The following CATSPERT variants were observed in gnomAD, a reference collection of about 807,000 sequenced individuals.
CATSPERT encodes catsper channel auxiliary subunit tau, also known as cation channel sperm-associated targeting subunit tau.
At chr2:201,593,633 C>A in the CATSPERT span, among the ~76,000 whole-genome samples, 1 of 147,760 alleles carries the variant, frequency 6.8e-6, no homozygotes, top group African/African-American at 2.5e-5. Context: ...GTAGGTCACT[C>A]AGGACTTGCT....
chr2:201,586,126 T>C, the CATSPERT span, among the ~76,000 whole-genome samples: 1 of 152,232 alleles, frequency 6.6e-6, no homozygotes, highest in South Asian at 2.1e-4. Context: ...ACGTTTTCTT[T>C]TCTCTAGTTG....
At chr2:201,540,251 G>T in the CATSPERT span, among the ~76,000 whole-genome samples, 7 of 152,222 alleles carry the variant, frequency 4.6e-5, no homozygotes, top group African/African-American at 1.7e-4. Flanking sequence ...AAGCTGCAGC[G>T]AGTTACCCAG....
the CATSPERT span, chr2:201,604,660 T>C: frequency 3.1e-6 from 5 of 1,606,384 alleles, no homozygotes; most frequent in South Asian, 4.5e-5. Flanking sequence ...TATTTCCAGT[T>C]CTTCACTATC....
chr2:201,503,023 T>A, the CATSPERT span, among the ~76,000 whole-genome samples: 2 of 152,132 alleles, frequency 1.3e-5, no homozygotes, highest in South Asian at 4.1e-4. Flanking sequence ...ATTTCAGATA[T>A]TTTTTATCTC....
At chr2:201,581,595 C>CACAT in the CATSPERT span, among the ~76,000 whole-genome samples, 653 of 17,756 alleles carry the variant, frequency 0.037, 104 homozygotes, top group African/African-American at 0.04. Context: ...TATATATATA[C>CACAT]ACATACATAT....
At chr2:201,489,838 A>G in the CATSPERT span, among the ~76,000 whole-genome samples, 1 of 151,530 alleles carries the variant, frequency 6.6e-6, no homozygotes, top group Non-Finnish European at 1.5e-5. Context: ...TATAAAGTCT[A>G]GTCGCAGATT....
At chr2:201,518,651 G>A in the CATSPERT span, among the ~76,000 whole-genome samples, 1 of 152,180 alleles carries the variant, frequency 6.6e-6, no homozygotes, top group African/African-American at 2.4e-5. Context: ...TCTGTAGAAT[G>A]GATTCAGTAA....
chr2:201,520,254 A>T, the CATSPERT span, among the ~76,000 whole-genome samples: 1 of 152,232 alleles, frequency 6.6e-6, no homozygotes, highest in African/African-American at 2.4e-5. Context: ...TTAGCATTGG[A>T]GACATCCCTA....
At chr2:201,501,188 C>G in the CATSPERT span, among the ~76,000 whole-genome samples, 1 of 151,786 alleles carries the variant, frequency 6.6e-6, no homozygotes, top group Non-Finnish European at 1.5e-5. Context: ...CACCTGAGAT[C>G]GGGAGTTCGA....
At chr2:201,573,328 TTGA>T in the CATSPERT span, among the ~76,000 whole-genome samples, 12 of 152,330 alleles carry the variant, frequency 7.9e-5, no homozygotes, top group Admixed American at 3.3e-4. Context: ...TATTAGTCTC[TTGA>T]TGAATCAAGG....
At chr2:201,515,201 AGTTTTTTTTTTTTT>A in the CATSPERT span, among the ~76,000 whole-genome samples, 14 of 70,214 alleles carry the variant, frequency 2.0e-4, 4 homozygotes, top group East Asian at 9.5e-4. Flanking sequence ...ATCTGCCCAT[AGTTTTTTTTTTTTT>A]TTTTTTTTTT....
chr2:201,561,127 T>C, the CATSPERT span, among the ~76,000 whole-genome samples: 84 of 152,318 alleles, frequency 5.5e-4, no homozygotes, highest in African/African-American at 1.9e-3. Context: ...TGACCTACCG[T>C]AAGAAAATAC....
the CATSPERT span, among the ~76,000 whole-genome samples, chr2:201,532,586 G>A: frequency 6.6e-6 from 1 of 152,038 alleles, no homozygotes; most frequent in African/African-American, 2.4e-5. Flanking sequence ...CTATTATTCA[G>A]GTTAGAGAGT....
the CATSPERT span, among the ~76,000 whole-genome samples, chr2:201,566,575 T>G: frequency 1.3e-5 from 2 of 152,078 alleles, no homozygotes; most frequent in Non-Finnish European, 2.9e-5. Flanking sequence ...ATGGTGTATA[T>G]GTGCCACATT....
At chr2:201,578,524 A>G in the CATSPERT span, among the ~76,000 whole-genome samples, 1 of 152,130 alleles carries the variant, frequency 6.6e-6, no homozygotes, top group African/African-American at 2.4e-5. Context: ...TTTTAATTTC[A>G]GATATTTTAC....
the CATSPERT span, among the ~76,000 whole-genome samples, chr2:201,521,406 C>A: frequency 6.7e-6 from 1 of 149,480 alleles, no homozygotes; most frequent in Non-Finnish European, 1.5e-5. Context: ...ACCTTCTTCA[C>A]ATGGTGGCAG....
At chr2:201,517,066 G>A in the CATSPERT span, among the ~76,000 whole-genome samples, 1 of 151,854 alleles carries the variant, frequency 6.6e-6, no homozygotes, top group South Asian at 2.1e-4. Context: ...CTCTACCTGG[G>A]AGCCTTTGGT....
the CATSPERT span, among the ~76,000 whole-genome samples, chr2:201,501,332 T>G: frequency 5.5e-5 from 8 of 144,906 alleles, no homozygotes; most frequent in Admixed American, 5.8e-4. Context: ...GAGGTGGAGG[T>G]TGCAGTGAGC....
At chr2:201,524,899 T>C in the CATSPERT span, among the ~76,000 whole-genome samples, 1 of 152,208 alleles carries the variant, frequency 6.6e-6, no homozygotes, top group Non-Finnish European at 1.5e-5. Flanking sequence ...AAGGGTTCAC[T>C]TCAACAAGAA....
Sources: allele counts gnomAD v4.1 joint callset (sites outside exome capture counted in the v4.1 genomes callset), GRCh38; gene constraint gnomAD v4.1.1; transcripts MANE v1.5; gene names NCBI Gene and HGNC (gene_info 2026-07-23, HGNC 2026-07-21).